Variants in ZNF425 observed in about 807,000 individuals in gnomAD.
The protein encoded by ZNF425 is zinc finger protein 425.
ZNF425 carries 21 observed loss-of-function variants against 17.0 expected under a neutral mutation model. That is an observed-to-expected ratio of 1.23 (90% CI 0.88 to 1.78). ZNF425 has a LOEUF of 1.78. Ranked by LOEUF, ZNF425 falls within the 40% of genes most tolerant of loss-of-function variation. The probability of loss-of-function intolerance (pLI) is 0.00; values close to 1 mark genes in which losing one functional copy is unlikely to be tolerated. For missense variants in ZNF425, 868 were observed against 967.3 expected, an observed-to-expected ratio of 0.90 and a Z score of 1.36; for synonymous variants, 433 against 384.1, an observed-to-expected ratio of 1.13 and a Z score of -1.49.
At chr7:149,112,066 C>G in intron 3 of ZNF425, 71 bp downstream of exon 3, 1 of 1,496,626 alleles carries the variant, frequency 6.7e-7, no homozygotes, top group Non-Finnish European at 9.1e-7. Flanking sequence ...GTCAGATATC[C>G]AAAAAGAAAG....
chr7:149,124,302 C>T (rs561488418), intron 1 of ZNF425, among the ~76,000 whole-genome samples: 39 of 148,446 alleles, frequency 2.6e-4, no homozygotes, highest in African/African-American at 9.5e-4. Flanking sequence ...ACTACAGGCC[C>T]CCGCCACCAC....
At chr7:149,122,248 CTA>C (rs1491465430) in intron 1 of ZNF425, among the ~76,000 whole-genome samples, 1 of 151,602 alleles carries the variant, frequency 6.6e-6, no homozygotes, top group Non-Finnish European at 1.5e-5. Context: ...TGCCCATTTT[CTA>C]ATTGGATTTT....
chr7:149,112,759 G>A (rs912111496), intron 2 of ZNF425, among the ~76,000 whole-genome samples: 13 of 151,588 alleles, frequency 8.6e-5, no homozygotes, highest in Admixed American at 1.3e-4. Context: ...TCTGCCTCCC[G>A]GGGATCAACT....
Position 149,111,593 on chromosome 7 carries a change from A to C in ZNF425, c.304+544T>G, listed in dbSNP as rs1386703711. ...GGTGACAGAGCAAGACTCTGTCTAAAAAAAAAAAAAAAAAAAAAAAAAAAA... is the reference window on the plus strand; with the variant it reads ...GGTGACAGAGCAAGACTCTGTCTAACAAAAAAAAAAAAAAAAAAAAAAAAA... On this transcript the variant is annotated intron_variant, in intron 3 of 3. Coordinates refer to ENST00000378061, the MANE Select transcript of ZNF425 (RefSeq NM_001001661.3). Among the ~76,000 whole-genome samples, 6 of 26,080 alleles carry C rather than the reference A, an allele frequency of 2.3e-4. No individual in the cohort carries two copies. In the South Asian group the frequency reaches 0.022, roughly 95 times the overall value. The allele number at this position is 26,080 out of a possible 152,430, so 17.1% of individuals were successfully genotyped here.
chr7:149,103,598 C>A lies in ZNF425; in HGVS notation c.*14G>T. 1 of 1,574,342 alleles carries A rather than the reference C, an allele frequency of 6.4e-7. No homozygotes were observed. Among genetic ancestry groups the A allele is most frequent in the Non-Finnish European group, 8.6e-7 (1 of 1,164,146 alleles). On this transcript the variant is annotated 3_prime_UTR_variant, in exon 4 of 4. Coordinates refer to ENST00000378061, the MANE Select transcript of ZNF425 (RefSeq NM_001001661.3). ...CTCCTGAAAGCCGACTGCGTGACTGCTGCATGGCCTGACCTAGAGGCTGGA... is the reference window on the plus strand; with the variant it reads ...CTCCTGAAAGCCGACTGCGTGACTGATGCATGGCCTGACCTAGAGGCTGGA...
rs773002424 is a variant in ZNF425, at chr7:149,118,301, C to CTCT, written c.63_65dup (p.Glu22dup). 2.2e-5 allele frequency: 36 copies of CTCT among 1,614,140 alleles called. No individual in the cohort carries two copies. Among genetic ancestry groups the CTCT allele is most frequent in the Non-Finnish European group, 3.0e-5 (35 of 1,180,038 alleles). ...TCTGCCACTTCTCCAGGATCTCCCA[C>CTCT]TCTTGTTCCGAAAAATATAAGGCCA... is the stretch of plus-strand genomic sequence containing the variant. On this transcript the variant is annotated inframe_insertion, in exon 2 of 4. Coordinates refer to ENST00000378061, the MANE Select transcript of ZNF425 (RefSeq NM_001001661.3).
chr7:149,110,096 G>A (rs796353995), intron 3 of ZNF425, among the ~76,000 whole-genome samples: 3 of 151,290 alleles, frequency 2.0e-5, no homozygotes, highest in East Asian at 2.0e-4. Flanking sequence ...GGCTGGTCTC[G>A]AACTCCTGAC....
Position 149,118,311 on chromosome 7 carries a change from G to C in ZNF425, c.56C>G (p.Ser19Trp), listed in dbSNP as rs758029795. The change falls in exon 2 of 4, where the codon TCG becomes TGG. Residue 19 changes from serine (S) to tryptophan (W), a missense_variant. Around this residue, in one of 5 missense-constraint regions of ZNF425, gnomAD observed 179 missense variants for 216.3 expected, o/e 0.83. Coordinates refer to ENST00000378061, the MANE Select transcript of ZNF425 (RefSeq NM_001001661.3). The part of the protein sequence containing the change: ...VTFDDVALYF[S>W]EQEWEILEKW... ...CTCCAGGATCTCCCACTCTTGTTCCGAAAAATATAAGGCCACATCATCAAA... is the reference window on the plus strand; with the variant it reads ...CTCCAGGATCTCCCACTCTTGTTCCCAAAAATATAAGGCCACATCATCAAA... 2.4e-5 allele frequency: 38 copies of C among 1,613,910 alleles called. No homozygotes were observed. The highest frequency in any genetic ancestry group is 3.1e-5 in the Non-Finnish European group (36 of 1,180,008).
At chr7:149,120,518 C>T (rs1412706961) in intron 1 of ZNF425, among the ~76,000 whole-genome samples, 2 of 152,198 alleles carry the variant, frequency 1.3e-5, no homozygotes, top group African/African-American at 2.4e-5. Flanking sequence ...ATGTGCCACA[C>T]GATGCTTCAG....
At chr7:149,119,381 T>C (rs1458130029) in intron 1 of ZNF425, among the ~76,000 whole-genome samples, 2 of 152,162 alleles carry the variant, frequency 1.3e-5, no homozygotes, top group Non-Finnish European at 2.9e-5. Flanking sequence ...CCACTACGCC[T>C]GGCCCAAAAA....
chr7:149,107,348 T>TATTTATTTATTTA (rs1237876400), intron 3 of ZNF425, among the ~76,000 whole-genome samples: 44 of 134,864 alleles, frequency 3.3e-4, no homozygotes, highest in Admixed American at 5.0e-4. Flanking sequence ...TTTATTTATT[T>TATTTATTTATTTA]TTTTTCTGAG....
rs749821215 is a variant in ZNF425 at position 149,103,878 on chromosome 7, G to T, written c.1993C>A (p.Pro665Thr). The change falls in exon 4 of 4, where the codon CCC becomes ACC. Residue 665 changes from proline to threonine, a missense_variant. Physicochemically the swap from Pro to Thr is conservative, Grantham distance 38. Transcript: ENST00000378061. ...TTGTCACACTCCGGACACTGGAAGG[G>T]CTTCTCCCCGCTGTGGACTCGAATG... Reference protein sequence around the residue: ...EHIRVHSGEKPFQCPECDKSY... With the variant: ...EHIRVHSGEKTFQCPECDKSY... 3 of 1,614,150 alleles carry T rather than the reference G, an allele frequency of 1.9e-6. No homozygotes were observed. The South Asian group carries it at 3.3e-5, about 18-fold the overall frequency.
At position 149,104,004 on chromosome 7, in the gene ZNF425, C is replaced by A; in HGVS notation, c.1867G>T (p.Gly623Ter). ...TGCAGCAGGTGGCTTTTCAGGTTTC[C>A]CTTGAGGCGGAAAGTCTTCTCGCAT... ...PECEKTFRLK[G>*]NLKSHLLQHS... is the part of the protein sequence containing the mutation. Residue 623 changes from glycine to a stop codon, truncating the protein, a stop_gained, in exon 4 of 4, where the codon GGA becomes TGA. Coordinates refer to ENST00000378061, the MANE Select transcript of ZNF425 (RefSeq NM_001001661.3). LOFTEE classifies it low-confidence loss of function (END_TRUNC). This position sits in a 1 kb window ranked among gnomAD's most constrained non-coding sequence, Gnocchi z 4.3. 3 of 1,613,840 alleles carry A rather than the reference C, an allele frequency of 1.9e-6. No individual in the cohort carries two copies. The highest frequency in any genetic ancestry group is 2.5e-6 in the Non-Finnish European group (3 of 1,179,816).
intron 1 of ZNF425, among the ~76,000 whole-genome samples, chr7:149,125,254 C>G (rs535340194): frequency 7.9e-5 from 12 of 152,308 alleles, no homozygotes; most frequent in African/African-American, 2.6e-4. Flanking sequence ...ACAAGAAAAA[C>G]TTGCACACTT....
intron 2 of ZNF425, among the ~76,000 whole-genome samples, chr7:149,112,882 C>G (rs1826197467): frequency 6.6e-6 from 1 of 151,374 alleles, no homozygotes; most frequent in South Asian, 2.1e-4. Flanking sequence ...CCAGGCTGGT[C>G]TCAAACTGCT....
chr7:149,118,669 G>A, intron 1 of ZNF425: 1 of 413,160 alleles, frequency 2.4e-6, no homozygotes, highest in Non-Finnish European at 4.8e-6. Context: ...TAAAAAATTA[G>A]CTGGGCGTGA....
chr7:149,117,599 A>C (rs1826286257), intron 2 of ZNF425, among the ~76,000 whole-genome samples: 1 of 45,548 alleles, frequency 2.2e-5, no homozygotes, highest in African/African-American at 7.5e-5. Context: ...AAAAGAATAC[A>C]CTTCTTTTAA....
intron 2 of ZNF425, among the ~76,000 whole-genome samples, chr7:149,114,931 C>CTTTTTTTT (rs35954198): frequency 7.0e-4 from 71 of 101,020 alleles, no homozygotes; most frequent in Non-Finnish European, 9.4e-4. Context: ...TCTTTCTTTT[C>CTTTTTTTT]TTTTTTTTTT....
At chr7:149,110,503 T>C (rs936222860) in intron 3 of ZNF425, among the ~76,000 whole-genome samples, 2 of 150,170 alleles carry the variant, frequency 1.3e-5, no homozygotes, top group Admixed American at 6.7e-5. Flanking sequence ...GAGATGGAGG[T>C]TGCAGTGAGC....
Sources: allele counts gnomAD v4.1 joint callset (sites outside exome capture counted in the v4.1 genomes callset), GRCh38; gene constraint gnomAD v4.1.1; regional missense constraint gnomAD v4.1.1; non-coding constraint Gnocchi (gnomAD v3.1); transcripts MANE v1.5; gene names NCBI Gene and HGNC (gene_info 2026-07-23, HGNC 2026-07-21).